IFT52: variants seen among roughly 807,000 people sequenced by gnomAD.
The protein encoded by IFT52 is intraflagellar transport 52.
IFT52 carries 44 observed loss-of-function variants against 54.4 expected under a neutral mutation model. The ratio of observed to expected loss-of-function variants is 0.81; its 90% confidence interval spans 0.63 to 1.04. IFT52 has a LOEUF of 1.04. IFT52 is among the 50% of genes least tolerant of loss of function. The pLI is 0.00. For missense variants in IFT52, 452 were observed against 523.6 expected (o/e 0.86, Z 1.33); for synonymous variants, 181 against 185.3 (o/e 0.98, Z 0.19).
rs114926423 is a variant in IFT52 at position 43,618,775 on chromosome 20, G to A, written c.613-165G>A. Among the ~76,000 whole-genome samples, 1,098 of 152,124 alleles carry A rather than the reference G, an allele frequency of 7.2e-3. 8 individuals are homozygous for A. Among genetic ancestry groups the A allele is most frequent in the African/African-American group, 0.025 (1,038 of 41,520 alleles). On this transcript the variant is annotated intron_variant, in intron 7 of 13. Coordinates refer to ENST00000373030, the MANE Select transcript of IFT52 (RefSeq NM_016004.5). ...CTGGGATTACAGGCTGATCCACTGC[G>A]CCTGGCCTATAGTTGGTATTTCTAA...
intron 3 of IFT52, among the ~76,000 whole-genome samples, chr20:43,597,098 G>A (rs1342474223): frequency 4.6e-5 from 7 of 151,410 alleles, no homozygotes; most frequent in East Asian, 2.0e-4. Flanking sequence ...TCCGCCAGGC[G>A]CGGTGGCTCA....
At position 43,602,666 on chromosome 20, in the gene IFT52, G is replaced by A. The variant is rs181124755; in HGVS notation, c.208-1094G>A. Among the ~76,000 whole-genome samples, 124 of 150,922 alleles carry A rather than the reference G, an allele frequency of 8.2e-4. 1 individual carries two copies. Among genetic ancestry groups the A allele is most frequent in the African/African-American group, 2.8e-3 (114 of 41,042 alleles). On this transcript the variant is annotated intron_variant, in intron 3 of 13. Coordinates refer to ENST00000373030, the MANE Select transcript of IFT52 (RefSeq NM_016004.5). ...TGGGGCTACGGGTGCATACCACCAC[G>A]CCTGGCTAATTTTTGCATTTTTAGT...
intron 3 of IFT52, among the ~76,000 whole-genome samples, chr20:43,603,061 C>T (rs1337409973): frequency 6.6e-6 from 1 of 151,902 alleles, no homozygotes; most frequent in Non-Finnish European, 1.5e-5. Flanking sequence ...AGATTTTTTT[C>T]TGCTGGAGTG....
chr20:43,628,744 G>A (rs1328137917), intron 10 of IFT52, among the ~76,000 whole-genome samples: 2 of 152,014 alleles, frequency 1.3e-5, no homozygotes, highest in African/African-American at 4.8e-5. Flanking sequence ...CCAGCTACTC[G>A]GGAGGCTGAG....
intron 3 of IFT52, among the ~76,000 whole-genome samples, chr20:43,600,773 C>T (rs1982380673): frequency 1.3e-5 from 2 of 152,016 alleles, no homozygotes; most frequent in Non-Finnish European, 2.9e-5. Flanking sequence ...GAGTTTGAGA[C>T]TAGCCTGGCC....
chr20:43,636,636 A>G (rs1411123434), intron 11 of IFT52, among the ~76,000 whole-genome samples: 1 of 152,212 alleles, frequency 6.6e-6, no homozygotes, highest in Non-Finnish European at 1.5e-5. Flanking sequence ...GTTCATACCT[A>G]CAAAATGTGA....
chr20:43,591,685 A>T (rs1427803282), intron 1 of IFT52, among the ~76,000 whole-genome samples: 1 of 152,206 alleles, frequency 6.6e-6, no homozygotes, highest in Non-Finnish European at 1.5e-5. Context: ...ATTAATGCTA[A>T]TAAGGGAGAT....
At chr20:43,632,893 T>G (rs1600507887) in intron 10 of IFT52, among the ~76,000 whole-genome samples, 1 of 152,234 alleles carries the variant, frequency 6.6e-6, no homozygotes, top group Non-Finnish European at 1.5e-5. Flanking sequence ...AAACCTGATA[T>G]GAAACTTGAA....
intron 9 of IFT52, among the ~76,000 whole-genome samples, chr20:43,622,996 A>T (rs1164237826): frequency 6.6e-6 from 1 of 151,942 alleles, no homozygotes; most frequent in African/African-American, 2.4e-5. Flanking sequence ...CTAGTGTAGC[A>T]GTGGAGGAAC....
In IFT52 at chr20:43,632,176, C is replaced by T. The variant is rs542770733; in HGVS notation, c.924-3750C>T. 1.6e-4 allele frequency among the ~76,000 whole-genome samples: 24 copies of T among 152,236 alleles called. No homozygotes were observed. In the East Asian group the frequency reaches 3.5e-3, roughly 22 times the overall value. On this transcript the variant is annotated intron_variant, in intron 10 of 13. Coordinates refer to ENST00000373030, the MANE Select transcript of IFT52 (RefSeq NM_016004.5). ...CCAACCCCAGGTGATCCGCCTGCCT[C>T]GGCATCCCAAAGTGCTGGGATTACA...
rs1555800928 is a variant in IFT52, at chr20:43,597,381, A to AAG, written c.207+860_207+861insGA. Reference sequence around the variant, plus strand: ...AGCAAAACTCCATCTCAAAAAAAAAAAAAGAAAGAAAATAGGAATTCATTT... The same window carrying AAG: ...AGCAAAACTCCATCTCAAAAAAAAAAAGAAAGAAAGAAAATAGGAATTCATTT... On this transcript the variant is annotated intron_variant, in intron 3 of 13. Transcript: ENST00000373030. Among the ~76,000 whole-genome samples, 9 of 146,370 alleles carry AAG rather than the reference A, an allele frequency of 6.1e-5. 1 individual carries two copies. The highest frequency in any genetic ancestry group is 2.0e-4 in the East Asian group (1 of 4,896).
Position 43,647,284 on chromosome 20 carries a change from C to G in IFT52, c.*301C>G. Reference sequence around the variant, plus strand: ...CTGGATTTGAGTCTTTTATCAAAGACATAATTAACTCTCAAGCTTGTTGTA... The same window carrying G: ...CTGGATTTGAGTCTTTTATCAAAGAGATAATTAACTCTCAAGCTTGTTGTA... On this transcript the variant is annotated 3_prime_UTR_variant, in exon 14 of 14. Coordinates refer to ENST00000373030, the MANE Select transcript of IFT52 (RefSeq NM_016004.5). The G allele has an allele frequency of 2.5e-6, 1 of 401,458 alleles. No individual in the cohort carries two copies. Among genetic ancestry groups the G allele is most frequent in the Non-Finnish European group, 4.5e-6 (1 of 223,772 alleles). The allele number at this position is 401,458 out of a possible 1,614,324, so 24.9% of individuals were successfully genotyped here.
chr20:43,607,867 G>A (rs542545783), intron 6 of IFT52, among the ~76,000 whole-genome samples: 75 of 152,342 alleles, frequency 4.9e-4, no homozygotes, highest in Middle Eastern at 6.8e-3. Context: ...GTTGAGCACT[G>A]AGTGAACAAG....
chr20:43,624,849 G>A (rs762322970), intron 10 of IFT52, among the ~76,000 whole-genome samples: 13 of 152,080 alleles, frequency 8.5e-5, no homozygotes, highest in African/African-American at 1.9e-4. Flanking sequence ...TCTCACCCCC[G>A]TGTATCCGGA....
chr20:43,606,575 G>A (rs1450494823), intron 6 of IFT52, among the ~76,000 whole-genome samples: 1 of 151,674 alleles, frequency 6.6e-6, no homozygotes, highest in Non-Finnish European at 1.5e-5. Context: ...GTACAGTTTT[G>A]TGCACTTGTG....
intron 2 of IFT52, among the ~76,000 whole-genome samples, chr20:43,595,897 T>C (rs1019328133): frequency 1.3e-5 from 2 of 149,814 alleles, no homozygotes; most frequent in African/African-American, 4.9e-5. Context: ...AAACAAAAAT[T>C]AAAAAAAAAA....
intron 10 of IFT52, among the ~76,000 whole-genome samples, chr20:43,633,887 G>C (rs1017112690): frequency 1.3e-5 from 2 of 151,876 alleles, no homozygotes; most frequent in Non-Finnish European, 2.9e-5. Flanking sequence ...GAAAAGGTTG[G>C]GTGCGGTGGC....
intron 12 of IFT52, among the ~76,000 whole-genome samples, chr20:43,638,951 C>T (rs1985727329): frequency 6.6e-6 from 1 of 152,172 alleles, no homozygotes; most frequent in Non-Finnish European, 1.5e-5. Context: ...CTGCATCTCT[C>T]TTCTGTGGCA....
intron 10 of IFT52, among the ~76,000 whole-genome samples, chr20:43,631,843 C>T (rs1012967663): frequency 5.3e-5 from 8 of 151,986 alleles, no homozygotes; most frequent in African/African-American, 1.9e-4. Flanking sequence ...CGTGACTTCC[C>T]GCCTCCCTCA....
Sources: gnomAD v4.1 joint callset for allele counts (sites outside exome capture counted in the v4.1 genomes callset) on GRCh38, gnomAD v4.1.1 for gene constraint, MANE v1.5 for transcripts, NCBI Gene and HGNC (gene_info 2026-07-23, HGNC 2026-07-21) for gene names.